TLK1: variants seen among roughly 807,000 people sequenced by gnomAD.
TLK1 encodes the protein tousled like kinase 1.
A neutral mutation model predicts 105.3 loss-of-function variants in TLK1; 24 were observed. That is an observed-to-expected ratio of 0.23 (90% confidence interval 0.17 to 0.32). The LOEUF is 0.32. Ranked by LOEUF, TLK1 falls within the 10% of genes least tolerant of loss-of-function variation. The pLI is 1.00. For missense variants in TLK1, 558 were observed against 910.5 expected (o/e 0.61, Z 4.98); for synonymous variants, 321 against 310.4 (o/e 1.03, Z -0.36).
At position 171,117,865 on chromosome 2, in the gene TLK1, G is replaced by T. The variant is rs763966560; in HGVS notation, c.140-8C>A. 6 of 1,559,924 alleles carry T rather than the reference G, an allele frequency of 3.8e-6. No homozygotes were observed. Among genetic ancestry groups the T allele is most frequent in the Non-Finnish European group, 3.5e-6 (4 of 1,151,518 alleles). ...GAAGCTCATCCATTGCACCTATTAAGAAAAAAAAATATATATGTACACATA... is the reference window on the plus strand; with the variant it reads ...GAAGCTCATCCATTGCACCTATTAATAAAAAAAAATATATATGTACACATA... On this transcript the variant is annotated splice_region_variant and splice_polypyrimidine_tract_variant and intron_variant, in intron 1 of 20. Transcript: ENST00000431350.
intron 1 of TLK1, among the ~76,000 whole-genome samples, chr2:171,198,963 C>G (rs1019675199): frequency 6.6e-6 from 1 of 152,068 alleles, no homozygotes; most frequent in Admixed American, 6.5e-5. Flanking sequence ...TAATATATAA[C>G]ATGAATTATT....
intron 1 of TLK1, among the ~76,000 whole-genome samples, chr2:171,171,678 A>G (rs1172580708): frequency 6.6e-6 from 1 of 151,358 alleles, no homozygotes; most frequent in Non-Finnish European, 1.5e-5. Flanking sequence ...GTTGCTTCAC[A>G]AAAAAGAATA....
chr2:170,998,665 G>A (rs1321963093), intron 18 of TLK1, among the ~76,000 whole-genome samples: 1 of 152,204 alleles, frequency 6.6e-6, no homozygotes, highest in African/African-American at 2.4e-5. Flanking sequence ...ACCGTGAGCA[G>A]CTCAAGGAAC....
intron 1 of TLK1, among the ~76,000 whole-genome samples, chr2:171,185,175 T>G (rs2105310087): frequency 6.6e-6 from 1 of 152,316 alleles, no homozygotes; most frequent in African/African-American, 2.4e-5. Flanking sequence ...TTTATGTTTT[T>G]AAATGTCTTG....
intron 2 of TLK1, among the ~76,000 whole-genome samples, chr2:171,106,744 T>C (rs536016646): frequency 1.3e-5 from 2 of 152,326 alleles, no homozygotes; most frequent in East Asian, 3.9e-4. Flanking sequence ...CTATTAATAC[T>C]GCATCTCACA....
At chr2:171,123,198 CT>C (rs1224775248) in intron 1 of TLK1, among the ~76,000 whole-genome samples, 1 of 151,862 alleles carries the variant, frequency 6.6e-6, no homozygotes, top group Non-Finnish European at 1.5e-5. Context: ...AAATACTCAT[CT>C]GTTAAATTTT....
At chr2:171,192,018 A>T (rs1693164526) in intron 1 of TLK1, among the ~76,000 whole-genome samples, 1 of 152,126 alleles carries the variant, frequency 6.6e-6, no homozygotes, top group African/African-American at 2.4e-5. Flanking sequence ...TTTTTGCCCT[A>T]AATAGATGAA....
intron 19 of TLK1, 91 bp downstream of exon 19, chr2:170,997,621 G>T: frequency 1.5e-6 from 1 of 659,978 alleles, no homozygotes; most frequent in Non-Finnish European, 2.4e-6. Flanking sequence ...GATCTAAATT[G>T]ACTTTAAGTT....
chr2:171,166,624 C>A (rs1692614585), intron 1 of TLK1, among the ~76,000 whole-genome samples: 1 of 152,210 alleles, frequency 6.6e-6, no homozygotes. Context: ...TTTGCTAAAT[C>A]TGGCAACCCA....
intron 18 of TLK1, among the ~76,000 whole-genome samples, chr2:171,003,366 T>C (rs1238176543): frequency 6.6e-6 from 1 of 152,082 alleles, no homozygotes; most frequent in East Asian, 1.9e-4. Context: ...TTTCTTTTTT[T>C]TAGCAATGAT....
chr2:171,222,995 A>C (rs1380848154), intron 1 of TLK1, among the ~76,000 whole-genome samples: 3 of 152,012 alleles, frequency 2.0e-5, no homozygotes, highest in Admixed American at 6.6e-5. Context: ...TTGTATTTTT[A>C]GTAGAGACGG....
intron 2 of TLK1, among the ~76,000 whole-genome samples, chr2:171,115,712 A>G: frequency 6.6e-6 from 1 of 152,246 alleles, no homozygotes; most frequent in South Asian, 2.1e-4. Context: ...AATCTCACAT[A>G]ATCAGGTAAC....
intron 2 of TLK1, among the ~76,000 whole-genome samples, chr2:171,112,134 T>C (rs1458790304): frequency 6.6e-6 from 1 of 152,158 alleles, no homozygotes; most frequent in African/African-American, 2.4e-5. Flanking sequence ...GTATTTTTAC[T>C]AGAGACAGGG....
intron 18 of TLK1, among the ~76,000 whole-genome samples, chr2:171,000,789 G>A (rs1253501748): frequency 6.6e-6 from 1 of 152,086 alleles, no homozygotes; most frequent in Non-Finnish European, 1.5e-5. Flanking sequence ...TTATAGAAGG[G>A]TCCATGTCAT....
Position 171,117,822 on chromosome 2 carries a change from T to A in TLK1, c.175A>T (p.Arg59Trp). 1 of 1,613,926 alleles carries A rather than the reference T, an allele frequency of 6.2e-7. No individual in the cohort carries two copies. Among genetic ancestry groups the A allele is most frequent in the Non-Finnish European group, 8.5e-7 (1 of 1,179,974 alleles). ...AATCTAGCTTCCAATAACTCTTGCC[T>A]TCTTGGATCCAGACTATGAAGCTCA... ...MDELHSLDPR[R>W]QELLEARFTG... Residue 59 changes from arginine (R) to tryptophan (W), a missense_variant, in exon 2 of 21, where the codon AGG (arginine) becomes TGG (tryptophan). Arg to Trp is a moderately radical substitution (Grantham distance 101, BLOSUM62 -3). Transcript: ENST00000431350.
chr2:171,088,088 T>C (rs1369865296), intron 2 of TLK1, among the ~76,000 whole-genome samples: 1 of 152,046 alleles, frequency 6.6e-6, no homozygotes. Context: ...CCCAGCACTT[T>C]GGGGGGCTGA....
chr2:171,099,084 C>T (rs941909136), intron 2 of TLK1, among the ~76,000 whole-genome samples: 5 of 151,340 alleles, frequency 3.3e-5, no homozygotes, highest in Non-Finnish European at 7.4e-5. Context: ...GAAAATTAGG[C>T]AAGAAAAAAA....
At chr2:171,097,880 G>A (rs1432776789) in intron 2 of TLK1, among the ~76,000 whole-genome samples, 6 of 151,802 alleles carry the variant, frequency 4.0e-5, no homozygotes, top group Non-Finnish European at 5.9e-5. Flanking sequence ...AGCCAAGATC[G>A]CATTACTGCA....
intron 1 of TLK1, among the ~76,000 whole-genome samples, chr2:171,198,668 A>G (rs1488585681): frequency 1.3e-5 from 2 of 152,230 alleles, no homozygotes; most frequent in South Asian, 4.1e-4. Flanking sequence ...AAGATGTGTT[A>G]GAAAAGAGGC....
Sources: allele counts gnomAD v4.1 joint callset (sites outside exome capture counted in the v4.1 genomes callset), GRCh38; gene constraint gnomAD v4.1.1; transcripts MANE v1.5; gene names NCBI Gene and HGNC (gene_info 2026-07-23, HGNC 2026-07-21).